The following DIAPH2 variants were observed in gnomAD, a reference collection of about 807,000 sequenced individuals.
The protein encoded by DIAPH2 is diaphanous related formin 2.
In DIAPH2, 35 loss-of-function variants were observed where a neutral mutation model predicts 92.7. That is an observed-to-expected ratio of 0.38 (90% confidence interval 0.29 to 0.50). DIAPH2 has a LOEUF of 0.50. DIAPH2 is among the 20% of genes least tolerant of loss of function. The pLI, the probability that DIAPH2 is intolerant of heterozygous loss-of-function variation, is 0.94. For synonymous variants in DIAPH2, 301 were observed against 280.4 expected, an observed-to-expected ratio of 1.07 and a Z score of -0.73; for missense variants, 701 against 819.5, an observed-to-expected ratio of 0.86 and a Z score of 1.77.
intron 17 of DIAPH2, among the ~76,000 whole-genome samples, chrX:97,061,503 C>A (rs2066597200): frequency 1.8e-5 from 2 of 111,568 alleles, no homozygotes; most frequent in Admixed American, 1.9e-4. Flanking sequence ...GTGTGTATAG[C>A]AAGCAAGAAT....
intron 22 of DIAPH2, among the ~76,000 whole-genome samples, chrX:97,246,255 C>G (rs762400359): frequency 2.6e-4 from 29 of 110,615 alleles, no homozygotes; most frequent in Admixed American, 2.1e-3. Context: ...AAGGAGAAAC[C>G]TTTTGAATAA....
At chrX:97,242,873 G>A (rs2068108358) in intron 22 of DIAPH2, among the ~76,000 whole-genome samples, 1 of 109,592 alleles carries the variant, frequency 9.1e-6, no homozygotes, top group East Asian at 2.9e-4. Flanking sequence ...TACAAGCTCC[G>A]CCTCCCAGGT....
chrX:96,763,154 T>C (rs2064279342), intron 4 of DIAPH2: 1 of 927,043 alleles, frequency 1.1e-6, no homozygotes, highest in Non-Finnish European at 1.4e-6. Context: ...CCCTTAGATA[T>C]GAATTTGTGG....
At chrX:97,364,429 T>G (rs1208829102) in intron 24 of DIAPH2, among the ~76,000 whole-genome samples, 3 of 111,900 alleles carry the variant, frequency 2.7e-5, no homozygotes, top group Non-Finnish European at 5.6e-5. Context: ...TTTCCCTTTC[T>G]TTCTGGGTGA....
intron 16 of DIAPH2, among the ~76,000 whole-genome samples, chrX:96,958,889 T>TA (rs1244982690): frequency 8.9e-6 from 1 of 111,901 alleles, no homozygotes; most frequent in African/African-American, 3.2e-5. Flanking sequence ...ATTCCATACA[T>TA]ATTGCTGCAA....
intron 23 of DIAPH2, among the ~76,000 whole-genome samples, chrX:97,269,418 T>C (rs1443198646): frequency 8.9e-6 from 1 of 112,527 alleles, no homozygotes; most frequent in Non-Finnish European, 1.9e-5. Flanking sequence ...AGAAACACTC[T>C]GTGGATACTA....
chrX:96,981,693 A>G (rs1395870113), intron 17 of DIAPH2, among the ~76,000 whole-genome samples: 1 of 111,895 alleles, frequency 8.9e-6, no homozygotes, highest in Non-Finnish European at 1.9e-5. Flanking sequence ...TCCGTAGCCT[A>G]CATGCTACAT....
intron 18 of DIAPH2, among the ~76,000 whole-genome samples, chrX:97,073,250 T>C (rs915440437): frequency 2.7e-5 from 3 of 111,967 alleles, no homozygotes. Context: ...TCAGGCCAGA[T>C]GAAACTTGGG....
At chrX:96,838,743 C>T (rs2064915850) in intron 4 of DIAPH2, among the ~76,000 whole-genome samples, 1 of 111,898 alleles carries the variant, frequency 8.9e-6, no homozygotes, top group South Asian at 3.7e-4. Context: ...AATGTTGACT[C>T]ATTATGAAGC....
chrX:97,451,037 C>G (rs192666206), intron 26 of DIAPH2, among the ~76,000 whole-genome samples: 1 of 111,000 alleles, frequency 9.0e-6, no homozygotes, highest in Non-Finnish European at 1.9e-5. Context: ...CTGATAGGAT[C>G]TTTTCCACAC....
In DIAPH2 at chrX:96,738,671, T is replaced by C. The variant is rs764990849; in HGVS notation, c.251T>C (p.Met84Thr). 4 of 1,206,598 alleles carry C rather than the reference T, an allele frequency of 3.3e-6. No individual in the cohort carries two copies. Residue 84 changes from methionine to threonine, a missense_variant, in exon 3 of 27, where the codon ATG becomes ACG. By Grantham distance (81) the Met-to-Thr change is moderately conservative. Coordinates refer to ENST00000324765, the MANE Select transcript of DIAPH2 (RefSeq NM_006729.5). ...CATCCTATTGATTCTCAAGTCGCGA[T>C]GAGTGAGTTTCCTGCAGCTCAGCCA... is the stretch of plus-strand genomic sequence containing the variant. ...IQHPIDSQVAMSEFPAAQPLY... is the reference protein window; with the variant it reads ...IQHPIDSQVATSEFPAAQPLY...
intron 25 of DIAPH2, among the ~76,000 whole-genome samples, chrX:97,413,385 A>C (rs2147761716): frequency 9.0e-6 from 1 of 111,571 alleles, no homozygotes; most frequent in South Asian, 3.9e-4. Flanking sequence ...TCAATAAACT[A>C]GGTATTGATG....
intron 4 of DIAPH2, among the ~76,000 whole-genome samples, chrX:96,823,621 T>A (rs2147679017): frequency 9.0e-6 from 1 of 111,095 alleles, no homozygotes; most frequent in African/African-American, 3.3e-5. Context: ...AACAATGAAC[T>A]TGTATTAGTT....
intron 4 of DIAPH2, among the ~76,000 whole-genome samples, chrX:96,858,753 C>T (rs778371364): frequency 2.7e-5 from 3 of 111,743 alleles, no homozygotes; most frequent in East Asian, 5.6e-4. Context: ...TTTTGAGTTC[C>T]CTTGTCATAA....
chrX:96,702,958 C>T (rs912084713), intron 1 of DIAPH2, among the ~76,000 whole-genome samples: 1 of 111,737 alleles, frequency 8.9e-6, no homozygotes, highest in Non-Finnish European at 1.9e-5. Context: ...GACCTCACCT[C>T]CTACTACCAT....
intron 4 of DIAPH2, among the ~76,000 whole-genome samples, chrX:96,770,212 A>G (rs2064329725): frequency 9.1e-6 from 1 of 110,060 alleles, no homozygotes; most frequent in African/African-American, 3.3e-5. Flanking sequence ...AAAAAAAAAA[A>G]GGATAAACAT....
chrX:96,918,284 C>T (rs1213820646), intron 8 of DIAPH2, among the ~76,000 whole-genome samples: 4 of 110,620 alleles, frequency 3.6e-5, no homozygotes, highest in African/African-American at 1.3e-4. Context: ...TGTAAGTAGG[C>T]GAGGCAATAT....
At chrX:97,485,184 T>C (rs2070679281) in intron 26 of DIAPH2, among the ~76,000 whole-genome samples, 1 of 111,874 alleles carries the variant, frequency 8.9e-6, no homozygotes, top group Non-Finnish European at 1.9e-5. Flanking sequence ...ACCACCTGTC[T>C]CACACCCAAA....
chrX:97,507,187 A>T (rs900540983), intron 26 of DIAPH2, among the ~76,000 whole-genome samples: 4 of 75,983 alleles, frequency 5.3e-5, no homozygotes, highest in African/African-American at 7.1e-5. Flanking sequence ...CAGAGAGCAT[A>T]AATTCTATTT....
Sources: gnomAD v4.1 joint callset for allele counts (sites outside exome capture counted in the v4.1 genomes callset) on GRCh38, gnomAD v4.1.1 for gene constraint, MANE v1.5 for transcripts, NCBI Gene and HGNC (gene_info 2026-07-23, HGNC 2026-07-21) for gene names.